SATB2: variants seen among roughly 807,000 people sequenced by gnomAD.
The protein encoded by SATB2 is SATB homeobox 2.
A neutral mutation model predicts 73.4 loss-of-function variants in SATB2; 1 was observed. The ratio of observed to expected loss-of-function variants is 0.01; its 90% CI spans 0.00 to 0.06. SATB2 has a LOEUF of 0.06. SATB2 is among the 10% of genes least tolerant of loss of function. The pLI is 1.00. For synonymous variants in SATB2, 397 were observed against 367.0 expected (o/e 1.08, Z -0.93); for missense variants, 459 against 945.8 (o/e 0.49, Z 6.75).
At chr2:199,369,170 T>G (rs1365252391) in intron 5 of SATB2, among the ~76,000 whole-genome samples, 2 of 152,154 alleles carry the variant, frequency 1.3e-5, no homozygotes, top group Non-Finnish European at 2.9e-5. Context: ...TTAATATAAT[T>G]TATAGAAACG....
chr2:199,347,933 A>G (rs1038445311), intron 7 of SATB2: 8 of 152,178 alleles, frequency 5.3e-5, no homozygotes, highest in South Asian at 2.1e-4. Context: ...TCTGAGTCCA[A>G]CCTCAGACTT....
intron 10 of SATB2, among the ~76,000 whole-genome samples, chr2:199,280,216 T>A (rs1692443969): frequency 6.6e-6 from 1 of 152,212 alleles, no homozygotes; most frequent in East Asian, 1.9e-4. Context: ...TGGACACTTA[T>A]CACTTCCCCG....
At chr2:199,429,005 C>CAAA (rs575684723) in intron 3 of SATB2, among the ~76,000 whole-genome samples, 2 of 62,656 alleles carry the variant, frequency 3.2e-5, no homozygotes, top group African/African-American at 1.0e-4. Context: ...GACTCTGTCT[C>CAAA]AAAAAAAAAA....
At chr2:199,297,229 T>C (rs946990487) in intron 10 of SATB2, among the ~76,000 whole-genome samples, 1 of 152,244 alleles carries the variant, frequency 6.6e-6, no homozygotes, top group Non-Finnish European at 1.5e-5. Context: ...AAATAATTTG[T>C]TGCCATCAAT....
chr2:199,377,241 T>C (rs1414416833), intron 5 of SATB2, among the ~76,000 whole-genome samples: 2 of 151,488 alleles, frequency 1.3e-5, no homozygotes, highest in Non-Finnish European at 2.9e-5. Flanking sequence ...TACCCAGGCG[T>C]GGTGGCACAT....
intron 6 of SATB2, among the ~76,000 whole-genome samples, chr2:199,363,236 T>C (rs957704086): frequency 2.8e-4 from 42 of 152,268 alleles, no homozygotes; most frequent in Middle Eastern, 3.4e-3. Flanking sequence ...TCAGTGACTA[T>C]CACAATGAAA....
intron 10 of SATB2, among the ~76,000 whole-genome samples, chr2:199,287,313 C>A (rs1692718871): frequency 1.3e-5 from 2 of 148,650 alleles, no homozygotes; most frequent in South Asian, 4.3e-4. Flanking sequence ...TTAACCAGAG[C>A]AGAGTTTTAA....
intron 1 of SATB2, chr2:199,470,795 C>G (rs1692688658): frequency 6.6e-6 from 1 of 152,380 alleles, no homozygotes; most frequent in Non-Finnish European, 1.5e-5. Context: ...ATTGCGCTAA[C>G]ACGCGCACGG....
intron 10 of SATB2, among the ~76,000 whole-genome samples, chr2:199,281,486 C>T (rs1298413470): frequency 1.3e-5 from 2 of 151,768 alleles, no homozygotes; most frequent in African/African-American, 4.8e-5. Context: ...GATATATACA[C>T]ACACACACAA....
At chr2:199,417,060 ACACACACACACT>A (rs1691013738) in intron 3 of SATB2, among the ~76,000 whole-genome samples, 1 of 130,276 alleles carries the variant, frequency 7.7e-6, no homozygotes, top group Non-Finnish European at 1.8e-5. Context: ...ACACACACAC[ACACACACACACT>A]CACAAAAAAA....
Position 199,380,394 on chromosome 2 carries a change from G to A in SATB2, c.567C>T (p.Ser189=). ...AGAGAGGGCATTCTTTGGCTAATGTGCTCTGGTTCATCTCTTTGAGCAGTT... is the reference window on the plus strand; with the variant it reads ...AGAGAGGGCATTCTTTGGCTAATGTACTCTGGTTCATCTCTTTGAGCAGTT... ...LKELLKEMNQ[S]TLAKECPLSQ... The change falls in exon 5 of 11, where the codon AGC becomes AGT. Residue 189 remains serine (S), a synonymous_variant. Transcript: ENST00000417098. The A allele has an allele frequency of 6.2e-7, 1 of 1,613,962 alleles. No individual in the cohort carries two copies. The highest frequency in any genetic ancestry group is 8.5e-7 in the Non-Finnish European group (1 of 1,179,828).
At chr2:199,288,775 A>T (rs1460276178) in intron 10 of SATB2, among the ~76,000 whole-genome samples, 1 of 152,204 alleles carries the variant, frequency 6.6e-6, no homozygotes, top group Non-Finnish European at 1.5e-5. Flanking sequence ...AAAGAAAAAA[A>T]AAATCTAGCA....
intron 3 of SATB2, among the ~76,000 whole-genome samples, chr2:199,389,720 A>C (rs939533561): frequency 6.6e-6 from 1 of 152,194 alleles, no homozygotes; most frequent in Non-Finnish European, 1.5e-5. Flanking sequence ...TAAAAATACT[A>C]ACCTGTATAT....
At chr2:199,433,588 G>C in intron 2 of SATB2, 74 bp from the exon 3 acceptor site, 2 of 1,409,426 alleles carry the variant, frequency 1.4e-6, no homozygotes, top group Non-Finnish European at 2.0e-6. Context: ...GAGAAGGGAA[G>C]CAACAGTTAT....
chr2:199,435,047 T>C (rs189605266), intron 2 of SATB2, among the ~76,000 whole-genome samples: 4 of 152,292 alleles, frequency 2.6e-5, no homozygotes, highest in Admixed American at 1.3e-4. Context: ...TGCACAACAG[T>C]GTAACAAGTC....
chr2:199,422,733 T>C (rs1691208776), intron 3 of SATB2, among the ~76,000 whole-genome samples: 1 of 152,144 alleles, frequency 6.6e-6, no homozygotes, highest in South Asian at 2.1e-4. Flanking sequence ...TGGACAATAA[T>C]ATTACGTACT....
chr2:199,378,856 C>T (rs1336715483), intron 5 of SATB2, among the ~76,000 whole-genome samples: 1 of 152,166 alleles, frequency 6.6e-6, no homozygotes, highest in African/African-American at 2.4e-5. Context: ...AAGGGGGGCT[C>T]ATAAAGGTAA....
In SATB2 at chr2:199,270,211, C is replaced by T. The variant is rs180823463; in HGVS notation, c.*2000G>A. On this transcript the variant is annotated 3_prime_UTR_variant, in exon 11 of 11. Transcript: ENST00000417098. ...TTGCAAAGGTATATGACGCTTATGTCAAGATAATTTTTAAACATCATTATT... is the reference window on the plus strand; with the variant it reads ...TTGCAAAGGTATATGACGCTTATGTTAAGATAATTTTTAAACATCATTATT... 6.5e-6 allele frequency: 1 copy of T among 152,814 alleles called. No individual in the cohort carries two copies. Among genetic ancestry groups the T allele is most frequent in the African/African-American group, 2.4e-5 (1 of 41,556 alleles). 9.5% of individuals were successfully genotyped at this position (152,814 alleles called of 1,614,324 possible).
intron 3 of SATB2, among the ~76,000 whole-genome samples, chr2:199,409,167 CTTTTTT>C (rs67330007): frequency 1.6e-4 from 18 of 115,234 alleles, no homozygotes; most frequent in Admixed American, 1.3e-3. Flanking sequence ...TTTTTCTTTT[CTTTTTT>C]TTTTTTTTTT....
Sources: allele counts gnomAD v4.1 joint callset (sites outside exome capture counted in the v4.1 genomes callset), GRCh38; gene constraint gnomAD v4.1.1; transcripts MANE v1.5; gene names NCBI Gene and HGNC (gene_info 2026-07-23, HGNC 2026-07-21).